Variants in TTC6 observed in about 807,000 individuals in gnomAD.
The protein encoded by TTC6 is tetratricopeptide repeat domain 6.
In TTC6, 172 loss-of-function variants were observed where a neutral mutation model predicts 210.4. The ratio of observed to expected loss-of-function variants is 0.82; its 90% confidence interval spans 0.72 to 0.93. The LOEUF is 0.93. TTC6 is among the 40% of genes least tolerant of loss of function. TTC6 has a pLI of 0.00. For synonymous variants in TTC6, 804 were observed against 819.6 expected, an observed-to-expected ratio of 0.98 and a Z score of 0.32; for missense variants, 2,414 against 2,318.1, an observed-to-expected ratio of 1.04 and a Z score of -0.85.
intron 1 of TTC6, among the ~76,000 whole-genome samples, chr14:37,673,670 T>C (rs177906): frequency 0.042 from 6,381 of 152,208 alleles, 210 homozygotes; most frequent in African/African-American, 0.096. Context: ...GGAAAGACCA[T>C]GTGGTCTGTT....
intron 16 of TTC6, 131 bp downstream of exon 18, chr14:37,790,968 GA>G (rs1373609673): frequency 2.5e-5 from 18 of 707,558 alleles, no homozygotes; most frequent in Middle Eastern, 3.9e-4. Context: ...AGTCATCCTA[GA>G]ATTAGAATAC....
chr14:37,759,720 T>G (rs978201687), intron 14 of TTC6, among the ~76,000 whole-genome samples: 1 of 152,358 alleles, frequency 6.6e-6, no homozygotes, highest in South Asian at 2.1e-4. Context: ...TCTTGTCTAA[T>G]CTTGTCTTCA....
At chr14:37,629,789 C>T (rs1417492971) in intron 1 of TTC6, among the ~76,000 whole-genome samples, 1 of 152,108 alleles carries the variant, frequency 6.6e-6, no homozygotes, top group Non-Finnish European at 1.5e-5. Flanking sequence ...CCATCAATAC[C>T]TAGTTTATAG....
At chr14:37,623,125 A>G (rs1170214278) in intron 1 of TTC6, 122 bp downstream of exon 3, 4 of 672,940 alleles carry the variant, frequency 5.9e-6, no homozygotes, top group African/African-American at 5.7e-5. Flanking sequence ...TTATAACACA[A>G]AAACACTGGG....
At chr14:37,672,409 C>T (rs2095760042) in intron 1 of TTC6, among the ~76,000 whole-genome samples, 1 of 152,006 alleles carries the variant, frequency 6.6e-6, no homozygotes, top group Non-Finnish European at 1.5e-5. Flanking sequence ...TTTTGAAAAA[C>T]ATTATTCTTC....
chr14:37,826,198 C>A, exon 28 of TTC6: 1 of 1,574,976 alleles, frequency 6.3e-7, no homozygotes, highest in Non-Finnish European at 8.6e-7. Flanking sequence ...ATTTTAGGCC[C>A]AAGGAAAATT....
At position 37,810,308 on chromosome 14, in the gene TTC6, G is replaced by A. The variant is rs192780222; in HGVS notation, c.4569+1462G>A. ...AGGTAACCCTGAATAGGAAAACAAT[G>A]GGCTGGGCGAGGAGGGAACACCCAT... On this transcript the variant is annotated intron_variant, in intron 24 of 30. Transcript: ENST00000553443. Among the ~76,000 whole-genome samples the A allele has an allele frequency of 2.0e-5, 3 of 152,308 alleles. No individual in the cohort carries two copies. In the East Asian group the frequency reaches 5.8e-4, roughly 29 times the overall value.
rs184810575 is a variant in TTC6, at chr14:37,752,893, A to C, written c.3130-206A>C. Among the ~76,000 whole-genome samples, 58 of 152,104 alleles carry C rather than the reference A, an allele frequency of 3.8e-4. 1 individual carries two copies. The highest frequency in any genetic ancestry group is 2.9e-5 in the Non-Finnish European group (2 of 67,980). On this transcript the variant is annotated intron_variant, in intron 13 of 30. Transcript: ENST00000553443. ...ATATGCCGGTTTTTTTTTTCTCTTA[A>C]AAAATACTCCCTCTCTAGAATTTGA...
In TTC6 at chr14:37,752,991, G is replaced by T. The variant is rs572679251; in HGVS notation, c.3130-108G>T. Reference sequence around the variant, plus strand: ...AAATTTTGACATCTTCAGATGGTTTGCTTTTATTAACCCGAAGTTAAAAAC... The same window carrying T: ...AAATTTTGACATCTTCAGATGGTTTTCTTTTATTAACCCGAAGTTAAAAAC... On this transcript the variant is annotated intron_variant, in intron 13 of 30. Coordinates refer to ENST00000553443, the Ensembl canonical transcript of TTC6. 8.5e-5 allele frequency: 70 copies of T among 823,232 alleles called. No homozygotes were observed. The African/African-American group carries it at 1.1e-3, about 12-fold the overall frequency. The allele number at this position is 823,232 out of a possible 1,614,324, so 51.0% of individuals were successfully genotyped here. A position where few individuals can be genotyped will look rare whatever the true frequency, so the allele number is the denominator to read the frequency against.
chr14:37,680,561 T>C (rs775004701), intron 2 of TTC6, among the ~76,000 whole-genome samples: 4 of 152,162 alleles, frequency 2.6e-5, no homozygotes, highest in Non-Finnish European at 4.4e-5. Flanking sequence ...TAATTAAAAA[T>C]TGTTAGCTTC....
intron 5 of TTC6, among the ~76,000 whole-genome samples, 168 bp downstream of exon 7, chr14:37,701,694 G>A (rs901205598): frequency 6.6e-6 from 1 of 152,076 alleles, no homozygotes; most frequent in African/African-American, 2.4e-5. Flanking sequence ...GTCTAGGTCT[G>A]TGTCTCCATT....
chr14:37,764,144 T>G (rs145341376), intron 14 of TTC6, among the ~76,000 whole-genome samples: 245 of 152,242 alleles, frequency 1.6e-3, no homozygotes, highest in African/African-American at 5.5e-3. Context: ...AAAATATACT[T>G]TGTATGATCC....
intron 10 of TTC6, among the ~76,000 whole-genome samples, chr14:37,739,558 G>A (rs4322572): frequency 0.64 from 89,888 of 140,116 alleles, 29,266 homozygotes; most frequent in East Asian, 0.9. Flanking sequence ...GACAGAGTGA[G>A]ACTCCATCTT....
In TTC6 at chr14:37,685,708, T is replaced by G. The variant is rs371246658; in HGVS notation, c.1257+2744T>G. 3.5e-4 allele frequency among the ~76,000 whole-genome samples: 54 copies of G among 152,210 alleles called. 1 individual carries two copies. In the South Asian group the frequency reaches 0.011, roughly 32 times the overall value. On this transcript the variant is annotated intron_variant, in intron 3 of 30. Coordinates refer to ENST00000553443, the Ensembl canonical transcript of TTC6. ...CAAGATTTGTAAAAGATTTTAAGAG[T>G]TAACTTGAATATCTGAGCCTGCTGG...
intron 10 of TTC6, among the ~76,000 whole-genome samples, chr14:37,745,038 G>A (rs768937880): frequency 2.6e-5 from 4 of 151,754 alleles, no homozygotes; most frequent in Non-Finnish European, 4.4e-5. Context: ...ATATACACAC[G>A]TACACATATA....
chr14:37,684,495 G>A (rs942100459), intron 3 of TTC6, among the ~76,000 whole-genome samples: 2 of 152,156 alleles, frequency 1.3e-5, no homozygotes, highest in African/African-American at 4.8e-5. Flanking sequence ...CTAGGAAGAA[G>A]GTTTTGATCA....
intron 6 of TTC6, among the ~76,000 whole-genome samples, chr14:37,717,459 A>G (rs1243534683): frequency 6.6e-6 from 1 of 152,172 alleles, no homozygotes. Context: ...GATGACGTGA[A>G]GAAATTCTCG....
At chr14:37,842,451 A>T in exon 31 of TTC6, 1 of 569,512 alleles carries the variant, frequency 1.8e-6, no homozygotes, top group Non-Finnish European at 2.6e-6. Flanking sequence ...TTTGTTATAC[A>T]TTAATTATAA....
chr14:37,802,670 G>GA (rs1206388525), intron 20 of TTC6, among the ~76,000 whole-genome samples: 1 of 152,014 alleles, frequency 6.6e-6, no homozygotes, highest in Non-Finnish European at 1.5e-5. Flanking sequence ...TGTAGCGATA[G>GA]AAAAACGAAT....
Sources: allele counts gnomAD v4.1 joint callset (sites outside exome capture counted in the v4.1 genomes callset), GRCh38; gene constraint gnomAD v4.1.1; transcripts MANE v1.5; gene names NCBI Gene and HGNC (gene_info 2026-07-23, HGNC 2026-07-21).